SEPSECS: variants seen among roughly 807,000 people sequenced by gnomAD.
SEPSECS encodes the protein Sep (O-phosphoserine) tRNA:Sec (selenocysteine) tRNA synthase.
SEPSECS carries 42 observed loss-of-function variants against 52.1 expected under a neutral mutation model. The ratio of observed to expected loss-of-function variants is 0.81; its 90% CI spans 0.63 to 1.04. SEPSECS has a LOEUF of 1.04. SEPSECS is among the 50% of genes least tolerant of loss of function. SEPSECS has a pLI of 0.00. For missense variants in SEPSECS, 590 were observed against 610.6 expected (o/e 0.97, Z 0.36); for synonymous variants, 216 against 211.4 (o/e 1.02, Z -0.19).
At chr4:25,159,932 G>A (rs1369453894) in intron 1 of SEPSECS, 4 of 985,268 alleles carry the variant, frequency 4.1e-6, no homozygotes, top group African/African-American at 1.7e-5. Context: ...GTGAAAGATG[G>A]AGGTGCGAAC....
chr4:25,130,911 T>C (rs1728580580), intron 8 of SEPSECS, among the ~76,000 whole-genome samples: 1 of 152,196 alleles, frequency 6.6e-6, no homozygotes, highest in South Asian at 2.1e-4. Context: ...AAGAAATTTA[T>C]AAGCAACCCA....
At position 25,142,497 on chromosome 4, in the gene SEPSECS, C is replaced by A. The variant is rs139513815; in HGVS notation, c.1026+2277G>T. 8.6e-3 allele frequency among the ~76,000 whole-genome samples: 1,310 copies of A among 152,332 alleles called. 21 individuals carry two copies. The highest frequency in any genetic ancestry group is 0.03 in the African/African-American group (1,228 of 41,564). On this transcript the variant is annotated intron_variant, in intron 8 of 10. Transcript: ENST00000382103. ...GCTCCTCAAGAGCAAGTATCTTTAT[C>A]TACTGTATTGACTGCTATATCTATA...
At chr4:25,154,194 G>A (rs1450933718) in intron 5 of SEPSECS, among the ~76,000 whole-genome samples, 1 of 152,086 alleles carries the variant, frequency 6.6e-6, no homozygotes, top group Non-Finnish European at 1.5e-5. Context: ...TTAAAAAACT[G>A]TCTCTTACAA....
chr4:25,121,101 T>C lies in SEPSECS; in HGVS notation c.*2830A>G, dbSNP rs952300917. ...ACAGAACTGTATTCAATAATTCATA[T>C]TCTATAACTTCATTCAACTAATACA... On this transcript the variant is annotated 3_prime_UTR_variant, in exon 11 of 11. Coordinates refer to ENST00000382103, the MANE Select transcript of SEPSECS (RefSeq NM_016955.4). 1 of 152,172 alleles carries C rather than the reference T, an allele frequency of 6.6e-6. No individual in the cohort carries two copies. Among genetic ancestry groups the C allele is most frequent in the Non-Finnish European group, 1.5e-5 (1 of 68,006 alleles). 9.4% of individuals were successfully genotyped at this position (152,172 alleles called of 1,614,324 possible).
chr4:25,151,877 C>T, intron 6 of SEPSECS, 83 bp downstream of exon 6: 1 of 799,738 alleles, frequency 1.3e-6, no homozygotes, highest in South Asian at 1.4e-5. Context: ...TTTACTATAT[C>T]AGATTGTAAG....
In SEPSECS at chr4:25,123,374, A is replaced by G. The variant is rs1728211851; in HGVS notation, c.*557T>C. 1 of 160,414 alleles carries G rather than the reference A, an allele frequency of 6.2e-6. No individual in the cohort carries two copies. The highest frequency in any genetic ancestry group is 2.4e-5 in the African/African-American group (1 of 41,488). 9.9% of individuals were successfully genotyped at this position (160,414 alleles called of 1,614,324 possible). On this transcript the variant is annotated 3_prime_UTR_variant, in exon 11 of 11. Coordinates refer to ENST00000382103, the MANE Select transcript of SEPSECS (RefSeq NM_016955.4). ...AGCATCCCACCAGTTGTGACAACCA[A>G]AAATGTCTGCAGATGCTGTTCAGAT... is the stretch of plus-strand genomic sequence containing the variant.
chr4:25,155,229 T>TA, intron 4 of SEPSECS, 78 bp from the exon 5 acceptor site: 1 of 1,447,348 alleles, frequency 6.9e-7, no homozygotes, highest in South Asian at 1.2e-5. Context: ...GGAAGCATGC[T>TA]ATTCTACACA....
chr4:25,153,165 T>C (rs553013223), intron 5 of SEPSECS, among the ~76,000 whole-genome samples: 31 of 152,020 alleles, frequency 2.0e-4, no homozygotes, highest in African/African-American at 7.5e-4. Flanking sequence ...TCACAAACCC[T>C]ACAAATTGAT....
Position 25,160,347 on chromosome 4 carries a change from G to A in SEPSECS, c.23C>T (p.Ala8Val). 2 of 1,548,814 alleles carry A rather than the reference G, an allele frequency of 1.3e-6. No homozygotes were observed. Among genetic ancestry groups the A allele is most frequent in the Non-Finnish European group, 1.7e-6 (2 of 1,145,564 alleles). Reference protein sequence around the residue: MNRESFAAGERLVSPAYV... With the variant: MNRESFAVGERLVSPAYV... ...AGCCGGCGACACCAGCCGCTCTCCC[G>A]CCGCGAAGCTCTCGCGGTTCATGAC... The change falls in exon 1 of 11, where the codon GCG becomes GTG. Residue 8 changes from alanine to valine, a missense_variant. Coordinates refer to ENST00000382103, the MANE Select transcript of SEPSECS (RefSeq NM_016955.4).
At chr4:25,127,146 G>T in intron 9 of SEPSECS, 118 bp downstream of exon 9, 4 of 684,954 alleles carry the variant, frequency 5.8e-6, no homozygotes, top group South Asian at 5.2e-5. Flanking sequence ...TTAAAATACT[G>T]TGATGAATTT....
At position 25,121,057 on chromosome 4, in the gene SEPSECS, TCAA is replaced by T. The variant is rs1469158777; in HGVS notation, c.*2871_*2873del. The T allele has an allele frequency of 2.6e-5, 4 of 152,122 alleles. No homozygotes were observed. The highest frequency in any genetic ancestry group is 9.7e-5 in the African/African-American group (4 of 41,430). The allele number at this position is 152,122 out of a possible 1,614,324, so 9.4% of individuals were successfully genotyped here. A position where few individuals can be genotyped will look rare whatever the true frequency, so the allele number is the denominator to read the frequency against. On this transcript the variant is annotated 3_prime_UTR_variant, in exon 11 of 11. Coordinates refer to ENST00000382103, the MANE Select transcript of SEPSECS (RefSeq NM_016955.4). ...ATATTTAAATTTACCATTCTGTATATCAAGTGCCTATTGGCTGAACAGAACTGT... is the reference window on the plus strand; with the variant it reads ...ATATTTAAATTTACCATTCTGTATATGTGCCTATTGGCTGAACAGAACTGT...
At position 25,127,144 on chromosome 4, in the gene SEPSECS, C is replaced by T. The variant is rs1577600789; in HGVS notation, c.1120+120G>A. 2.7e-5 allele frequency: 18 copies of T among 677,786 alleles called. No homozygotes were observed. In the East Asian group the frequency reaches 4.9e-4, roughly 19 times the overall value. 42.0% of individuals were successfully genotyped at this position (677,786 alleles called of 1,614,324 possible). A position where few individuals can be genotyped will look rare whatever the true frequency, so the allele number is the denominator to read the frequency against. ...CTTTTTCAATTTACAAATTAAAATACTGTGATGAATTTATAAATATCATTA... is the reference window on the plus strand; with the variant it reads ...CTTTTTCAATTTACAAATTAAAATATTGTGATGAATTTATAAATATCATTA... On this transcript the variant is annotated intron_variant, in intron 9 of 10. Coordinates refer to ENST00000382103, the MANE Select transcript of SEPSECS (RefSeq NM_016955.4).
At chr4:25,145,754 C>T (rs1195408187) in intron 6 of SEPSECS, among the ~76,000 whole-genome samples, 1 of 152,154 alleles carries the variant, frequency 6.6e-6, no homozygotes, top group South Asian at 2.1e-4. Flanking sequence ...TATAGCCATC[C>T]GAGTTGCCAA....
rs1403955495 is a variant in SEPSECS at position 25,121,377 on chromosome 4, T to C, written c.*2554A>G. The C allele has an allele frequency of 6.6e-6, 1 of 152,134 alleles. No individual in the cohort carries two copies. Among genetic ancestry groups the C allele is most frequent in the African/African-American group, 2.4e-5 (1 of 41,446 alleles). 9.4% of individuals were successfully genotyped at this position (152,134 alleles called of 1,614,324 possible). On this transcript the variant is annotated 3_prime_UTR_variant, in exon 11 of 11. Transcript: ENST00000382103. ...AATGACTTTAAAAACCTAACTCCAA[T>C]ATTTTACCTGATAGTTTTAATAAGG... is the stretch of plus-strand genomic sequence containing the variant.
chr4:25,160,324 C>G lies in SEPSECS; in HGVS notation c.46G>C (p.Ala16Pro), dbSNP rs1349398235. ...FAAGERLVSPAYVRQGCEARR... is the reference protein window; with the variant it reads ...FAAGERLVSPPYVRQGCEARR... ...GCCTCACAGCCCTGCCGCACGTAAG[C>G]CGGCGACACCAGCCGCTCTCCCGCC... Residue 16 changes from alanine (A) to proline (P), a missense_variant, in exon 1 of 11, where the codon GCT becomes CCT. By Grantham distance (27) the Ala-to-Pro change is conservative. Transcript: ENST00000382103. 1 of 1,548,854 alleles carries G rather than the reference C, an allele frequency of 6.5e-7. No homozygotes were observed. The highest frequency in any genetic ancestry group is 2.4e-5 in the East Asian group (1 of 40,874).
Position 25,122,031 on chromosome 4 carries a change from C to G in SEPSECS, c.*1900G>C, listed in dbSNP as rs1380240386. ...AACAACATTTCAATCCCTTTTTTGA[C>G]TCTAGAGGTTGCAACTCTTCAGCTT... On this transcript the variant is annotated 3_prime_UTR_variant, in exon 11 of 11. Coordinates refer to ENST00000382103, the MANE Select transcript of SEPSECS (RefSeq NM_016955.4). 2 of 152,144 alleles carry G rather than the reference C, an allele frequency of 1.3e-5. No individual in the cohort carries two copies. The highest frequency in any genetic ancestry group is 2.9e-5 in the Non-Finnish European group (2 of 67,990). The allele number at this position is 152,144 out of a possible 1,614,324, so 9.4% of individuals were successfully genotyped here. A position where few individuals can be genotyped will look rare whatever the true frequency, so the allele number is the denominator to read the frequency against.
intron 8 of SEPSECS, among the ~76,000 whole-genome samples, chr4:25,135,228 CAG>C (rs1185418454): frequency 7.0e-6 from 1 of 143,092 alleles, no homozygotes; most frequent in Non-Finnish European, 1.5e-5. Context: ...CTGAAGGAGA[CAG>C]AGACACGAAA....
chr4:25,160,454 C>T (rs761311576), upstream of SEPSECS: 348 of 1,125,886 alleles, frequency 3.1e-4, no homozygotes, highest in Admixed American at 4.7e-4. Context: ...CAACTCGCCG[C>T]CTGGACGGTA....
chr4:25,126,257 G>A (rs545976850), intron 9 of SEPSECS, among the ~76,000 whole-genome samples: 14 of 152,146 alleles, frequency 9.2e-5, no homozygotes, highest in African/African-American at 2.2e-4. Flanking sequence ...CTAAGGACTC[G>A]CCATGCTAGA....
Sources: gnomAD v4.1 joint callset for allele counts (sites outside exome capture counted in the v4.1 genomes callset) on GRCh38, gnomAD v4.1.1 for gene constraint, MANE v1.5 for transcripts, NCBI Gene and HGNC (gene_info 2026-07-23, HGNC 2026-07-21) for gene names.